Variants in OR52N4 observed in about 807,000 individuals in gnomAD.
The protein encoded by OR52N4 is olfactory receptor family 52 subfamily N member 4.
In OR52N4, 15 loss-of-function variants were observed where a neutral mutation model predicts 15.0. That is an observed-to-expected ratio of 1.00 (90% CI 0.67 to 1.54). The LOEUF is 1.54. OR52N4 is among the 40% of genes most tolerant of loss of function. The probability of loss-of-function intolerance (pLI) is 0.00; values close to 1 mark genes in which losing one functional copy is unlikely to be tolerated. For synonymous variants in OR52N4, 143 were observed against 143.7 expected (o/e 1.00, Z 0.03); for missense variants, 421 against 394.0 (o/e 1.07, Z -0.58).
the OR52N4 span, chr11:5,736,491 T>C: frequency 4.4e-6 from 7 of 1,607,876 alleles, no homozygotes; most frequent in African/African-American, 5.3e-5. Flanking sequence ...ACAATACAAA[T>C]AGAGATTTGA....
chr11:5,732,116 A>G, the OR52N4 span, among the ~76,000 whole-genome samples: 1 of 152,136 alleles, frequency 6.6e-6, no homozygotes, highest in African/African-American at 2.4e-5. Flanking sequence ...CACGTTGTAC[A>G]ATAGTTCTTG....
At chr11:5,738,161 T>C in the OR52N4 span, 1 of 152,286 alleles carries the variant, frequency 6.6e-6, no homozygotes, top group Non-Finnish European at 1.5e-5. Context: ...CTTTCACATA[T>C]TGTAAGCCCA....
chr11:5,729,113 G>GTTTT, the OR52N4 span, among the ~76,000 whole-genome samples: 4 of 50,284 alleles, frequency 8.0e-5, no homozygotes, highest in Non-Finnish European at 1.1e-4. Context: ...CTTAAATTGA[G>GTTTT]ATTTTTTTTT....
chr11:5,734,847 G>A, the OR52N4 span, among the ~76,000 whole-genome samples: 1 of 151,894 alleles, frequency 6.6e-6, no homozygotes, highest in African/African-American at 2.4e-5. Flanking sequence ...ATTATTGCTT[G>A]TGCTCTTTAG....
chr11:5,749,756 G>A (rs1312155466), upstream of OR52N4, among the ~76,000 whole-genome samples: 4 of 151,810 alleles, frequency 2.6e-5, no homozygotes, highest in East Asian at 5.8e-4. Context: ...ATGGTTGAAC[G>A]AAAACAAAAC....
the OR52N4 span, among the ~76,000 whole-genome samples, chr11:5,729,606 G>A: frequency 3.3e-5 from 5 of 152,026 alleles, no homozygotes; most frequent in Non-Finnish European, 7.4e-5. Context: ...AAAGTGTATT[G>A]TAAGCAATAT....
At chr11:5,745,062 C>CATAT in the OR52N4 span, among the ~76,000 whole-genome samples, 65,162 of 151,566 alleles carry the variant, frequency 0.43, 14,482 homozygotes, top group Non-Finnish European at 0.5. Context: ...TAGTAAAAGC[C>CATAT]ATATACATCA....
chr11:5,732,629 T>C, the OR52N4 span, among the ~76,000 whole-genome samples: 2 of 152,106 alleles, frequency 1.3e-5, no homozygotes, highest in Non-Finnish European at 2.9e-5. Context: ...TCATGATGAG[T>C]TTCTAGAAAC....
At chr11:5,750,813 A>G (rs1392298589), upstream of OR52N4, among the ~76,000 whole-genome samples, 1 of 152,032 alleles carries the variant, frequency 6.6e-6, no homozygotes, top group African/African-American at 2.4e-5. Flanking sequence ...TGCTTTTACA[A>G]AATAATAATT....
chr11:5,745,491 T>C, the OR52N4 span, among the ~76,000 whole-genome samples: 1 of 152,052 alleles, frequency 6.6e-6, no homozygotes, highest in African/African-American at 2.4e-5. Flanking sequence ...CATGTAACTA[T>C]GCTGGTGAAA....
the OR52N4 span, among the ~76,000 whole-genome samples, chr11:5,735,057 A>AT: frequency 1.7e-4 from 26 of 152,048 alleles, no homozygotes; most frequent in East Asian, 3.8e-3. Context: ...TTTCTTCCAG[A>AT]TTTTTTTGGT....
At chr11:5,736,641 T>C in the OR52N4 span, 2 of 1,614,048 alleles carry the variant, frequency 1.2e-6, no homozygotes, top group Admixed American at 1.7e-5. Context: ...CCCCTGGCAC[T>C]ACTGTATCTC....
the OR52N4 span, chr11:5,737,989 A>AGGGT: frequency 6.4e-6 from 1 of 156,444 alleles, no homozygotes. Flanking sequence ...ATAAAGCCAA[A>AGGGT]TCAGTCAATG....
the OR52N4 span, among the ~76,000 whole-genome samples, chr11:5,728,054 AG>A: frequency 2.0e-5 from 3 of 152,338 alleles, no homozygotes; most frequent in Middle Eastern, 3.4e-3. Flanking sequence ...TCTATGAATG[AG>A]GGCACAAGAG....
the OR52N4 span, among the ~76,000 whole-genome samples, chr11:5,746,364 C>T: frequency 1.3e-5 from 2 of 152,070 alleles, no homozygotes; most frequent in Non-Finnish European, 2.9e-5. Flanking sequence ...AAGCTGACAA[C>T]CTACAGAATG....
chr11:5,738,866 A>AGG, the OR52N4 span, among the ~76,000 whole-genome samples: 2 of 65,304 alleles, frequency 3.1e-5, 1 homozygote, highest in Non-Finnish European at 7.2e-5. Flanking sequence ...TCCATTAAAC[A>AGG]CATGCTCAGA....
chr11:5,754,488 A>G (rs1166071529), intron 1 of OR52N4, among the ~76,000 whole-genome samples, 183 bp downstream of exon 1: 1 of 152,074 alleles, frequency 6.6e-6, no homozygotes, highest in Non-Finnish European at 1.5e-5. Context: ...CTGTGTTGAA[A>G]ACTTAGACTG....
chr11:5,744,660 C>T, the OR52N4 span, among the ~76,000 whole-genome samples: 1 of 151,556 alleles, frequency 6.6e-6, no homozygotes, highest in African/African-American at 2.4e-5. Context: ...CGCCTGTAAT[C>T]CCAGCACTCT....
chr11:5,742,121 G>C, the OR52N4 span, among the ~76,000 whole-genome samples: 1 of 151,116 alleles, frequency 6.6e-6, no homozygotes, highest in South Asian at 2.1e-4. Flanking sequence ...ACGAAAGAGA[G>C]AGAAAGAAAG....
Sources: gnomAD v4.1 joint callset for allele counts (sites outside exome capture counted in the v4.1 genomes callset) on GRCh38, gnomAD v4.1.1 for gene constraint, MANE v1.5 for transcripts, NCBI Gene and HGNC (gene_info 2026-07-23, HGNC 2026-07-21) for gene names.